GPC6: variants seen among roughly 807,000 people sequenced by gnomAD.
GPC6 encodes the protein glypican 6, also known as glypican-6.
A neutral mutation model predicts 55.2 loss-of-function variants in GPC6; 14 were observed. The ratio of observed to expected loss-of-function variants is 0.25; its 90% CI spans 0.17 to 0.40. The LOEUF (loss-of-function observed/expected upper bound fraction) is 0.40. Ranked by LOEUF, GPC6 falls within the 10% of genes least tolerant of loss-of-function variation. The pLI, the probability that GPC6 is intolerant of heterozygous loss-of-function variation, is 1.00. For missense variants in GPC6, 641 were observed against 708.5 expected (o/e 0.90, Z 1.08); for synonymous variants, 278 against 259.6 (o/e 1.07, Z -0.68).
At chr13:94,247,677 C>T (rs911619942) in intron 4 of GPC6, among the ~76,000 whole-genome samples, 2 of 152,010 alleles carry the variant, frequency 1.3e-5, no homozygotes, top group African/African-American at 2.4e-5. Context: ...GTTAAGCCAG[C>T]CTTGCATGTT....
chr13:93,669,693 A>G (rs1233870506), intron 2 of GPC6, among the ~76,000 whole-genome samples: 1 of 152,176 alleles, frequency 6.6e-6, no homozygotes, highest in Non-Finnish European at 1.5e-5. Flanking sequence ...TGAAACAATG[A>G]AAGGACATTT....
chr13:94,320,902 A>G (rs1359443773), intron 6 of GPC6, among the ~76,000 whole-genome samples: 1 of 152,170 alleles, frequency 6.6e-6, no homozygotes, highest in African/African-American at 2.4e-5. Flanking sequence ...ACCAACTCTG[A>G]GTTAAGATTG....
At chr13:94,270,213 CAATGAATAAAT>C (rs1395932481) in intron 4 of GPC6, among the ~76,000 whole-genome samples, 1 of 151,978 alleles carries the variant, frequency 6.6e-6, no homozygotes, top group African/African-American at 2.4e-5. Flanking sequence ...CTTTGTTCTT[CAATGAATAAAT>C]AACTGTCAAT....
intron 4 of GPC6, among the ~76,000 whole-genome samples, chr13:94,136,173 A>G (rs1402713524): frequency 6.6e-6 from 1 of 151,130 alleles, no homozygotes; most frequent in African/African-American, 2.4e-5. Context: ...TTTAACTTGA[A>G]TAAGTTTAGC....
At chr13:94,155,350 A>T (rs1230824880) in intron 4 of GPC6, among the ~76,000 whole-genome samples, 1 of 152,058 alleles carries the variant, frequency 6.6e-6, no homozygotes, top group African/African-American at 2.4e-5. Flanking sequence ...TTTAAATACC[A>T]CTGAGCAGAC....
intron 2 of GPC6, among the ~76,000 whole-genome samples, chr13:93,637,149 A>G (rs1199815780): frequency 6.6e-6 from 1 of 152,162 alleles, no homozygotes; most frequent in Non-Finnish European, 1.5e-5. Flanking sequence ...CTCTAAAACA[A>G]AGACTATTGG....
At chr13:93,910,588 C>T (rs546398845) in intron 3 of GPC6, among the ~76,000 whole-genome samples, 2 of 152,142 alleles carry the variant, frequency 1.3e-5, no homozygotes, top group South Asian at 4.2e-4. Context: ...GGTTTATCAC[C>T]ACTGGCCCAG....
chr13:94,122,834 C>T (rs1182844665), intron 4 of GPC6, among the ~76,000 whole-genome samples: 1 of 152,048 alleles, frequency 6.6e-6, no homozygotes, highest in African/African-American at 2.4e-5. Context: ...AGAAATCATA[C>T]TTACTCACTT....
At position 93,380,690 on chromosome 13, in the gene GPC6, T is replaced by A. The variant is rs1023519237; in HGVS notation, c.160+153074T>A. On this transcript the variant is annotated intron_variant, in intron 1 of 8. Transcript: ENST00000377047. ...TAAGGGAACTGGGGTGCCACTGTCATGGAAAAGCAGTCAGGCAAATTGTTG... is the reference window on the plus strand; with the variant it reads ...TAAGGGAACTGGGGTGCCACTGTCAAGGAAAAGCAGTCAGGCAAATTGTTG... 2.6e-5 allele frequency among the ~76,000 whole-genome samples: 4 copies of A among 152,144 alleles called. No individual in the cohort carries two copies. In the South Asian group the frequency reaches 8.3e-4, roughly 31 times the overall value.
At chr13:93,859,373 C>T (rs1888734411) in intron 3 of GPC6, among the ~76,000 whole-genome samples, 1 of 151,494 alleles carries the variant, frequency 6.6e-6, no homozygotes, top group Non-Finnish European at 1.5e-5. Flanking sequence ...AAGTTCTCAT[C>T]AATTTCTGAA....
intron 2 of GPC6, among the ~76,000 whole-genome samples, chr13:93,687,545 G>T (rs747175647): frequency 8.6e-5 from 13 of 152,006 alleles, no homozygotes; most frequent in East Asian, 1.9e-4. Flanking sequence ...GAATGCTTGG[G>T]TTTAAATACT....
chr13:94,137,237 C>T (rs1369226672), intron 4 of GPC6, among the ~76,000 whole-genome samples: 13 of 152,072 alleles, frequency 8.5e-5, no homozygotes, highest in Admixed American at 8.5e-4. Flanking sequence ...GGGAAAAGAT[C>T]TTGGCTAGAG....
rs750457015 is a variant in GPC6 at position 94,018,772 on chromosome 13, C to T, written c.712-8957C>T. On this transcript the variant is annotated intron_variant, in intron 3 of 8. Transcript: ENST00000377047. ...ATGAGCACCTGATGAGTGAGCATTA[C>T]CACCTGAACTCCACCTCCTGTCAGA... Among the ~76,000 whole-genome samples the T allele has an allele frequency of 2.2e-4, 34 of 152,170 alleles. 1 individual carries two copies. The highest frequency in any genetic ancestry group is 3.7e-4 in the Non-Finnish European group (25 of 68,024).
chr13:94,288,748 T>TAA (rs1467198802), intron 5 of GPC6, among the ~76,000 whole-genome samples: 3 of 132,830 alleles, frequency 2.3e-5, no homozygotes, highest in African/African-American at 8.4e-5. Flanking sequence ...AATATATATA[T>TAA]AATATATATA....
At chr13:94,167,531 G>A (rs1307941504) in intron 4 of GPC6, among the ~76,000 whole-genome samples, 1 of 152,096 alleles carries the variant, frequency 6.6e-6, no homozygotes, top group Admixed American at 6.6e-5. Flanking sequence ...CATTTTTCAA[G>A]CTACATTACA....
At chr13:93,955,719 A>G (rs960151393) in intron 3 of GPC6, among the ~76,000 whole-genome samples, 1 of 152,206 alleles carries the variant, frequency 6.6e-6, no homozygotes, top group Admixed American at 6.5e-5. Flanking sequence ...TTAATTAACA[A>G]TCAGAGTCCT....
At chr13:94,110,098 G>T (rs993179867) in intron 4 of GPC6, among the ~76,000 whole-genome samples, 3 of 150,644 alleles carry the variant, frequency 2.0e-5, no homozygotes, top group South Asian at 2.1e-4. Flanking sequence ...AAAAAAAGCT[G>T]TAGTGATAGG....
intron 1 of GPC6, among the ~76,000 whole-genome samples, chr13:93,490,426 T>A (rs1879922491): frequency 1.4e-5 from 2 of 144,126 alleles, no homozygotes; most frequent in African/African-American, 2.5e-5. Context: ...CTATTTTTAA[T>A]CCATGTTTTG....
intron 3 of GPC6, among the ~76,000 whole-genome samples, chr13:93,980,793 G>A (rs1880768615): frequency 6.6e-6 from 1 of 152,104 alleles, no homozygotes; most frequent in African/African-American, 2.4e-5. Context: ...GATTTACTGT[G>A]TGGTGCTCTG....
Sources: allele counts gnomAD v4.1 joint callset (sites outside exome capture counted in the v4.1 genomes callset), GRCh38; gene constraint gnomAD v4.1.1; transcripts MANE v1.5; gene names NCBI Gene and HGNC (gene_info 2026-07-23, HGNC 2026-07-21).